The following NRG3 variants were observed in gnomAD, a reference collection of about 807,000 sequenced individuals.
NRG3 encodes the protein neuregulin 3, also known as pro-neuregulin-3, membrane-bound isoform.
NRG3 carries 31 observed loss-of-function variants against 66.9 expected under a neutral mutation model. That is an observed-to-expected ratio of 0.46 (90% CI 0.35 to 0.63). NRG3 has a LOEUF of 0.63. Among genes scored for constraint, NRG3 ranks in the 20% least tolerant of loss-of-function variants. The pLI is 0.00. For missense variants in NRG3, 910 were observed against 878.9 expected (o/e 1.04, Z -0.45); for synonymous variants, 393 against 359.4 (o/e 1.09, Z -1.06).
At chr10:82,037,840 G>A (rs192727548) in intron 1 of NRG3, among the ~76,000 whole-genome samples, 2 of 151,964 alleles carry the variant, frequency 1.3e-5, no homozygotes, top group African/African-American at 4.8e-5. Flanking sequence ...GCAAACTGGG[G>A]ACATAGTGTG....
chr10:82,720,394 C>G (rs886760992), intron 2 of NRG3, among the ~76,000 whole-genome samples: 2 of 151,590 alleles, frequency 1.3e-5, no homozygotes, highest in Non-Finnish European at 2.9e-5. Flanking sequence ...AAAAACAAAA[C>G]TAACAAATTA....
chr10:82,362,975 G>T (rs940174440), intron 2 of NRG3, among the ~76,000 whole-genome samples: 3 of 152,150 alleles, frequency 2.0e-5, no homozygotes, highest in African/African-American at 7.2e-5. Flanking sequence ...TTCAGCAATT[G>T]TAAGGACCTT....
chr10:82,239,143 A>G (rs2076895577), intron 1 of NRG3, among the ~76,000 whole-genome samples: 1 of 151,894 alleles, frequency 6.6e-6, no homozygotes, highest in Admixed American at 6.6e-5. Flanking sequence ...ACAATTAAAT[A>G]GTTTAAATAT....
chr10:82,094,601 G>A (rs1270891618), intron 1 of NRG3, among the ~76,000 whole-genome samples: 2 of 152,134 alleles, frequency 1.3e-5, no homozygotes, highest in Non-Finnish European at 2.9e-5. Flanking sequence ...TCCATCAATG[G>A]ATGGTTGGAT....
intron 1 of NRG3, among the ~76,000 whole-genome samples, chr10:82,251,948 T>C (rs2077508739): frequency 6.6e-6 from 1 of 151,896 alleles, no homozygotes; most frequent in African/African-American, 2.4e-5. Context: ...GTGAGGGCAT[T>C]GCCCCTCCCC....
chr10:82,633,468 T>C (rs1386787846), intron 2 of NRG3, among the ~76,000 whole-genome samples: 7 of 152,046 alleles, frequency 4.6e-5, no homozygotes, highest in African/African-American at 1.4e-4. Flanking sequence ...TATGTTCCAA[T>C]AGAGTTGGGA....
rs780659758 is a variant in NRG3 at position 82,959,108 on chromosome 10, G to T, written c.1284+33G>T. 5 of 1,540,638 alleles carry T rather than the reference G, an allele frequency of 3.2e-6. No homozygotes were observed. In the African/African-American group the frequency reaches 4.2e-5, roughly 13 times the overall value. On this transcript the variant is annotated intron_variant, in intron 6 of 8. Transcript: ENST00000372141. ...ACATGTCTACACACCTCCTCCTATA[G>T]CCTACCTCAGTGCTTCCAGCTCAGA...
rs568082218 is a variant in NRG3 at position 82,863,092 on chromosome 10, T to C, written c.1028-2319T>C. ...GTTCTCATTGTTCAACTCCCACTTA[T>C]GAGTGAGAACATGTGGTGTTCAGTT... is the stretch of plus-strand genomic sequence containing the variant. On this transcript the variant is annotated intron_variant, in intron 3 of 8. Transcript: ENST00000372141. Among the ~76,000 whole-genome samples, 3 of 152,332 alleles carry C rather than the reference T, an allele frequency of 2.0e-5. No homozygotes were observed. In the East Asian group the frequency reaches 5.8e-4, roughly 29 times the overall value.
At chr10:82,132,368 G>T (rs1344956148) in intron 1 of NRG3, among the ~76,000 whole-genome samples, 2 of 148,176 alleles carry the variant, frequency 1.3e-5, no homozygotes, top group African/African-American at 4.9e-5. Flanking sequence ...AACCATCTTT[G>T]CATCCCTGGA....
At chr10:82,046,087 T>C (rs2063280259) in intron 1 of NRG3, among the ~76,000 whole-genome samples, 1 of 142,810 alleles carries the variant, frequency 7.0e-6, no homozygotes, top group African/African-American at 2.6e-5. Flanking sequence ...TAAAGTAGTT[T>C]TTTCCAATTC....
At chr10:82,730,704 A>G (rs2057858259) in intron 2 of NRG3, among the ~76,000 whole-genome samples, 1 of 152,222 alleles carries the variant, frequency 6.6e-6, no homozygotes, top group South Asian at 2.1e-4. Flanking sequence ...AATAAGAATT[A>G]TTAATTAAAT....
At chr10:82,002,741 T>C (rs1564728319) in intron 1 of NRG3, among the ~76,000 whole-genome samples, 1 of 152,218 alleles carries the variant, frequency 6.6e-6, no homozygotes, top group East Asian at 1.9e-4. Flanking sequence ...CTGCTTCTTA[T>C]TGCCCCTTTT....
At chr10:82,663,110 A>T (rs957609627) in intron 2 of NRG3, among the ~76,000 whole-genome samples, 2 of 152,244 alleles carry the variant, frequency 1.3e-5, no homozygotes, top group South Asian at 2.1e-4. Context: ...ATAGGTAACT[A>T]GCAGTCTCTG....
intron 2 of NRG3, among the ~76,000 whole-genome samples, chr10:82,361,063 A>G (rs915057927): frequency 6.6e-6 from 1 of 152,230 alleles, no homozygotes; most frequent in African/African-American, 2.4e-5. Flanking sequence ...TACTTCATGT[A>G]GGGATTTTAT....
At chr10:82,604,438 T>C (rs1306404231) in intron 2 of NRG3, among the ~76,000 whole-genome samples, 3 of 152,180 alleles carry the variant, frequency 2.0e-5, no homozygotes, top group Admixed American at 1.3e-4. Flanking sequence ...CATTCACATA[T>C]TGAAGGCCAT....
intron 4 of NRG3, among the ~76,000 whole-genome samples, chr10:82,882,897 A>G (rs1842425070): frequency 6.6e-6 from 1 of 152,170 alleles, no homozygotes; most frequent in Non-Finnish European, 1.5e-5. Flanking sequence ...TACCTGACAA[A>G]CCAATGATTA....
chr10:82,232,708 A>C (rs1269653792), intron 1 of NRG3: 1 of 716,674 alleles, frequency 1.4e-6, no homozygotes, highest in Non-Finnish European at 2.6e-6. Context: ...GACACAGGAG[A>C]GACTCGAGAA....
intron 2 of NRG3, among the ~76,000 whole-genome samples, chr10:82,628,804 T>A (rs2049607970): frequency 6.6e-6 from 1 of 152,186 alleles, no homozygotes; most frequent in South Asian, 2.1e-4. Context: ...CTGTATTCAA[T>A]GACTTCAACA....
intron 1 of NRG3, among the ~76,000 whole-genome samples, chr10:82,253,555 T>G (rs1038488612): frequency 6.6e-5 from 10 of 152,208 alleles, no homozygotes; most frequent in African/African-American, 2.4e-4. Context: ...CTTCCGTTTC[T>G]TTTCATTCTC....
Sources: gnomAD v4.1 joint callset for allele counts (sites outside exome capture counted in the v4.1 genomes callset) on GRCh38, gnomAD v4.1.1 for gene constraint, MANE v1.5 for transcripts, NCBI Gene and HGNC (gene_info 2026-07-23, HGNC 2026-07-21) for gene names.